TAF1A: variants seen among roughly 807,000 people sequenced by gnomAD.
The protein encoded by TAF1A is TATA-box binding protein associated factor, RNA polymerase I subunit A, also known as TATA box-binding protein-associated factor RNA polymerase I subunit A.
A neutral mutation model predicts 61.6 loss-of-function variants in TAF1A; 42 were observed. That is an observed-to-expected ratio of 0.68 (90% CI 0.53 to 0.88). The LOEUF is 0.88. Among genes scored for constraint, TAF1A ranks in the 40% least tolerant of loss-of-function variants. TAF1A has a pLI of 0.00. For synonymous variants in TAF1A, 179 were observed against 177.7 expected (o/e 1.01, Z -0.06); for missense variants, 424 against 518.7 (o/e 0.82, Z 1.77).
Position 222,588,564 on chromosome 1 carries a change from A to G in TAF1A, c.-1T>C, listed in dbSNP as rs1295453408. 6.2e-7 allele frequency: 1 copy of G among 1,612,742 alleles called. No individual in the cohort carries two copies. Among genetic ancestry groups the G allele is most frequent in the Non-Finnish European group, 8.5e-7 (1 of 1,179,614 alleles). On this transcript the variant is annotated splice_region_variant and 5_prime_UTR_variant, in exon 2 of 11. Coordinates refer to ENST00000352967, the MANE Select transcript of TAF1A (RefSeq NM_005681.4). Reference sequence around the variant, plus strand: ...TTAATTCTTCACTGAAATCACTCATACCTATTACAAGATGAGATATCAGTT... The same window carrying G: ...TTAATTCTTCACTGAAATCACTCATGCCTATTACAAGATGAGATATCAGTT...
intron 1 of TAF1A, 115 bp from the exon 2 acceptor site, chr1:222,588,680 G>C: frequency 1.8e-6 from 2 of 1,085,924 alleles, no homozygotes; most frequent in East Asian, 5.3e-5. Context: ...TTAGCAAAAT[G>C]CATTATACCT....
rs138538269 is a variant in TAF1A at position 222,582,117 on chromosome 1, T to C, written c.291+2011A>G. 1.5e-4 allele frequency among the ~76,000 whole-genome samples: 23 copies of C among 152,344 alleles called. No individual in the cohort carries two copies. The East Asian group carries it at 3.7e-3, about 24-fold the overall frequency. On this transcript the variant is annotated intron_variant, in intron 3 of 10. Coordinates refer to ENST00000352967, the MANE Select transcript of TAF1A (RefSeq NM_005681.4). ...AGAAAGCAAAGGTGTCACTATCTCA[T>C]GTCAGTAATGAAAAAGCTTTGAAGC...
chr1:222,580,502 A>G (rs928999505), intron 3 of TAF1A, among the ~76,000 whole-genome samples: 4 of 152,224 alleles, frequency 2.6e-5, no homozygotes, highest in Non-Finnish European at 5.9e-5. Flanking sequence ...CAATAATACC[A>G]ACTTCAAAGT....
At chr1:222,586,204 T>A (rs1213964915) in intron 2 of TAF1A, among the ~76,000 whole-genome samples, 4 of 118,742 alleles carry the variant, frequency 3.4e-5, no homozygotes, top group African/African-American at 1.3e-4. Context: ...GCTCTCTCAA[T>A]CAGAAGCTGC....
chr1:222,557,940 G>A (rs1659768835), downstream of TAF1A: 1 of 150,578 alleles, frequency 6.6e-6, no homozygotes, highest in South Asian at 2.1e-4. Context: ...CAGGAGTACG[G>A]TGGTGCAATC....
At chr1:222,576,464 T>C (rs1660575471) in intron 5 of TAF1A, among the ~76,000 whole-genome samples, 1 of 152,232 alleles carries the variant, frequency 6.6e-6, no homozygotes, top group South Asian at 2.1e-4. Flanking sequence ...GGGTTAATCA[T>C]AGAGATTAGG....
At chr1:222,587,684 G>C (rs1205382942) in intron 2 of TAF1A, among the ~76,000 whole-genome samples, 1 of 152,024 alleles carries the variant, frequency 6.6e-6, no homozygotes, top group African/African-American at 2.4e-5. Flanking sequence ...ATTTATATTA[G>C]ATAAAAATGG....
Position 222,564,127 on chromosome 1 carries a change from TGAAA to T in TAF1A, c.895-6_895-3del, listed in dbSNP as rs756736075. On this transcript the variant is annotated splice_polypyrimidine_tract_variant and splice_region_variant and intron_variant, in intron 7 of 10. Coordinates refer to ENST00000352967, the MANE Select transcript of TAF1A (RefSeq NM_005681.4). ...AGATGGTACAATCTGATACAAAATC[TGAAA>T]GAAAGAACAGTCTTGTAATCTTTAC... is the stretch of plus-strand genomic sequence containing the variant. 7 of 1,546,538 alleles carry T rather than the reference TGAAA, an allele frequency of 4.5e-6. No individual in the cohort carries two copies. Among genetic ancestry groups the T allele is most frequent in the Non-Finnish European group, 6.2e-6 (7 of 1,126,966 alleles).
chr1:222,567,112 C>T (rs986417994), intron 7 of TAF1A, among the ~76,000 whole-genome samples: 3 of 152,070 alleles, frequency 2.0e-5, no homozygotes, highest in Non-Finnish European at 4.4e-5. Context: ...TATTATTCAG[C>T]CTTAAATAAA....
intron 5 of TAF1A, among the ~76,000 whole-genome samples, chr1:222,575,981 C>T (rs1019969010): frequency 6.6e-6 from 1 of 152,138 alleles, no homozygotes; most frequent in Non-Finnish European, 1.5e-5. Flanking sequence ...TGAAAAAGAA[C>T]TATTACACCA....
intron 2 of TAF1A, among the ~76,000 whole-genome samples, chr1:222,586,708 T>A (rs151042910): frequency 2.0e-5 from 3 of 152,330 alleles, no homozygotes; most frequent in African/African-American, 7.2e-5. Flanking sequence ...GTACTCATCA[T>A]ACAGCTTCAA....
At chr1:222,555,909 T>C (rs1659719597), downstream of TAF1A, among the ~76,000 whole-genome samples, 1 of 152,110 alleles carries the variant, frequency 6.6e-6, no homozygotes, top group African/African-American at 2.4e-5. Context: ...CTTAAAATAG[T>C]CGTGACGAAT....
chr1:222,559,641 A>G (rs1417557564), intron 10 of TAF1A, among the ~76,000 whole-genome samples: 2 of 152,104 alleles, frequency 1.3e-5, no homozygotes, highest in African/African-American at 2.4e-5. Context: ...CATTTTTATT[A>G]TTCCTGAAAC....
At chr1:222,588,370 T>C in intron 2 of TAF1A, 73 bp downstream of exon 2, 1 of 1,534,436 alleles carries the variant, frequency 6.5e-7, no homozygotes, top group Non-Finnish European at 8.8e-7. Flanking sequence ...AGTCTGGTTA[T>C]TCATTTTGTA....
chr1:222,589,313 C>T (rs1164120592), intron 1 of TAF1A, among the ~76,000 whole-genome samples: 1 of 152,186 alleles, frequency 6.6e-6, no homozygotes, highest in Non-Finnish European at 1.5e-5. Flanking sequence ...AATCCTACAG[C>T]ACTACTCTAG....
intron 3 of TAF1A, among the ~76,000 whole-genome samples, chr1:222,583,701 G>T (rs979190754): frequency 2.6e-5 from 4 of 152,014 alleles, no homozygotes; most frequent in African/African-American, 9.7e-5. Context: ...AGCCGGGCGT[G>T]GTGGTACATG....
At chr1:222,572,271 A>G (rs34609915) in intron 5 of TAF1A, among the ~76,000 whole-genome samples, 56,741 of 151,186 alleles carry the variant, frequency 0.38, 12,669 homozygotes, top group Non-Finnish European at 0.49. Context: ...AGACTGTGTG[A>G]TATGGGCAGA....
chr1:222,575,278 T>C (rs1660522686), intron 5 of TAF1A, among the ~76,000 whole-genome samples: 1 of 151,922 alleles, frequency 6.6e-6, no homozygotes, highest in Non-Finnish European at 1.5e-5. Context: ...CCTAGCAGTT[T>C]GGAAGGCTGA....
intron 6 of TAF1A, 65 bp from the exon 7 acceptor site, chr1:222,569,733 AC>A (rs1660271299): frequency 1.4e-6 from 2 of 1,422,978 alleles, no homozygotes; most frequent in Admixed American, 4.5e-5. Context: ...AAAATAATAC[AC>A]AGCATAAGTT....
Sources: allele counts gnomAD v4.1 joint callset (sites outside exome capture counted in the v4.1 genomes callset), GRCh38; gene constraint gnomAD v4.1.1; transcripts MANE v1.5; gene names NCBI Gene and HGNC (gene_info 2026-07-23, HGNC 2026-07-21).